The following RPTOR variants were observed in gnomAD, a reference collection of about 807,000 sequenced individuals.
RPTOR encodes the protein regulatory-associated protein of mTOR.
A neutral mutation model predicts 169.9 loss-of-function variants in RPTOR; 21 were observed. The ratio of observed to expected loss-of-function variants is 0.12; its 90% CI spans 0.09 to 0.18. The LOEUF is 0.18. Among genes scored for constraint, RPTOR ranks in the 10% least tolerant of loss-of-function variants. The pLI, the probability that RPTOR is intolerant of heterozygous loss-of-function variation, is 1.00. For synonymous variants in RPTOR, 732 were observed against 753.2 expected (o/e 0.97, Z 0.46); for missense variants, 1,133 against 1,855.9 (o/e 0.61, Z 7.16).
At chr17:80,818,061 G>A (rs2067342062) in intron 7 of RPTOR, among the ~76,000 whole-genome samples, 1 of 152,252 alleles carries the variant, frequency 6.6e-6, no homozygotes, top group Non-Finnish European at 1.5e-5. Context: ...GAGAGTTTGA[G>A]GAGGCGCGGG....
chr17:80,606,038 G>A (rs527291322), intron 1 of RPTOR, among the ~76,000 whole-genome samples: 3 of 152,234 alleles, frequency 2.0e-5, no homozygotes, highest in East Asian at 3.9e-4. Context: ...TTGAGATGGC[G>A]TCTCGCTCTG....
intron 7 of RPTOR, chr17:80,802,195 C>G (rs1024013114): frequency 1.3e-5 from 2 of 152,260 alleles, no homozygotes; most frequent in African/African-American, 4.8e-5. Flanking sequence ...GTACCCAAAC[C>G]CTGGTATTTG....
intron 7 of RPTOR, among the ~76,000 whole-genome samples, chr17:80,814,992 G>A (rs1028348221): frequency 1.3e-5 from 2 of 152,246 alleles, no homozygotes; most frequent in Non-Finnish European, 2.9e-5. Context: ...GGTCTGAGCA[G>A]AGCACACAGG....
chr17:80,962,335 C>G, intron 31 of RPTOR, 126 bp from the exon 32 acceptor site: 2 of 761,056 alleles, frequency 2.6e-6, no homozygotes, highest in Non-Finnish European at 4.4e-6. Context: ...ATCCAGGCAG[C>G]TTTTTCCTTG....
intron 20 of RPTOR, among the ~76,000 whole-genome samples, chr17:80,895,299 C>G (rs1207170290): frequency 6.6e-6 from 1 of 152,196 alleles, no homozygotes; most frequent in African/African-American, 2.4e-5. Context: ...TCTGGCAGCA[C>G]CTTCCCAGAA....
At chr17:80,744,845 T>A (rs796493815) in intron 5 of RPTOR, among the ~76,000 whole-genome samples, 286 of 5,508 alleles carry the variant, frequency 0.052, 28 homozygotes, top group East Asian at 0.083. Context: ...TTACTAGCAC[T>A]GTCCTGGCTA....
chr17:80,847,464 G>C (rs544282912), intron 11 of RPTOR, among the ~76,000 whole-genome samples: 26 of 152,354 alleles, frequency 1.7e-4, no homozygotes, highest in African/African-American at 6.0e-4. Context: ...AAAATCCACT[G>C]GTCAGTGTAG....
At chr17:80,736,857 G>A (rs774163447) in intron 5 of RPTOR, among the ~76,000 whole-genome samples, 1 of 152,160 alleles carries the variant, frequency 6.6e-6, no homozygotes, top group African/African-American at 2.4e-5. Context: ...CGGACTCACC[G>A]TCGTCATGGC....
At chr17:80,555,989 T>C (rs865957720) in intron 1 of RPTOR, among the ~76,000 whole-genome samples, 9 of 149,930 alleles carry the variant, frequency 6.0e-5, no homozygotes, top group Middle Eastern at 3.6e-3. Context: ...TTCCAGCACT[T>C]CGGGAGGCTG....
intron 2 of RPTOR, among the ~76,000 whole-genome samples, chr17:80,634,247 ACT>A (rs1351871176): frequency 4.4e-5 from 3 of 68,740 alleles, no homozygotes; most frequent in Admixed American, 1.4e-4. Flanking sequence ...GTGCGTGCAT[ACT>A]GTATGCGTGC....
At position 80,861,982 on chromosome 17, in the gene RPTOR, C is replaced by T. The variant is rs1330188586; in HGVS notation, c.1509+4082C>T. Among the ~76,000 whole-genome samples the T allele has an allele frequency of 2.0e-5, 3 of 152,176 alleles. No homozygotes were observed. Among genetic ancestry groups the T allele is most frequent in the Non-Finnish European group, 2.9e-5 (2 of 68,026 alleles). ...TCTTGGTCCCGTGGATCTCCCAGGG[C>T]CTGTTGCTCTCGAGTGCCCCAAATG... On this transcript the variant is annotated intron_variant, in intron 13 of 33. Transcript: ENST00000306801. This position sits in a 1 kb window ranked among gnomAD's most constrained non-coding sequence, Gnocchi z 4.5.
chr17:80,698,078 C>T (rs2066052342), intron 3 of RPTOR, among the ~76,000 whole-genome samples: 1 of 134,780 alleles, frequency 7.4e-6, no homozygotes, highest in East Asian at 2.2e-4. Flanking sequence ...CGGGTGGGTG[C>T]GGGGCAAGGT....
rs762895923 is a variant in RPTOR, at chr17:80,730,731, C to A, written c.654+25C>A. The A allele has an allele frequency of 1.2e-6, 1 of 834,702 alleles. No homozygotes were observed. The highest frequency in any genetic ancestry group is 1.8e-6 in the Non-Finnish European group (1 of 559,896). The allele number at this position is 834,702 out of a possible 1,614,324, so 51.7% of individuals were successfully genotyped here. The stretch of plus-strand genomic sequence containing the variant: ...GGTGAGCGCTCTGGTGCTTGGAGAG[C>A]GGTGCTGGGTTTGGTTTTGTTTTCC... On this transcript the variant is annotated intron_variant, in intron 5 of 33. Transcript: ENST00000306801. The surrounding 1 kb of genome is among the most constrained non-coding windows in gnomAD (Gnocchi z 4.2).
intron 17 of RPTOR, among the ~76,000 whole-genome samples, chr17:80,886,467 C>T (rs1321811913): frequency 6.6e-6 from 1 of 152,232 alleles, no homozygotes; most frequent in Non-Finnish European, 1.5e-5. Context: ...AATTCTTTTT[C>T]CCACATCAAC....
chr17:80,552,276 C>T (rs1017828005), intron 1 of RPTOR, among the ~76,000 whole-genome samples: 3 of 152,198 alleles, frequency 2.0e-5, no homozygotes, highest in East Asian at 1.9e-4. Flanking sequence ...GTTCACAAAG[C>T]CTTCATGATT....
chr17:80,790,397 C>T (rs758698970), intron 6 of RPTOR, among the ~76,000 whole-genome samples: 3 of 152,170 alleles, frequency 2.0e-5, no homozygotes, highest in Non-Finnish European at 4.4e-5. Flanking sequence ...GGATGACCAG[C>T]TCAGCCTCCC....
At chr17:80,819,388 A>G (rs1232225663) in intron 7 of RPTOR, among the ~76,000 whole-genome samples, 2 of 152,190 alleles carry the variant, frequency 1.3e-5, no homozygotes, top group African/African-American at 4.8e-5. Flanking sequence ...TCTTTACTTA[A>G]TGTTATAAAG....
intron 1 of RPTOR, among the ~76,000 whole-genome samples, chr17:80,568,273 C>G (rs189897586): frequency 1.3e-3 from 198 of 152,280 alleles, no homozygotes; most frequent in African/African-American, 4.4e-3. Flanking sequence ...GTATATTTTC[C>G]TTCAGTCTGA....
intron 10 of RPTOR, among the ~76,000 whole-genome samples, chr17:80,840,822 G>A (rs1329719279): frequency 2.7e-5 from 3 of 113,076 alleles, no homozygotes; most frequent in East Asian, 2.8e-4. Flanking sequence ...TCACCACGCC[G>A]CAGCTCACAC....
Sources: allele counts gnomAD v4.1 joint callset (sites outside exome capture counted in the v4.1 genomes callset), GRCh38; gene constraint gnomAD v4.1.1; non-coding constraint Gnocchi (gnomAD v3.1); transcripts MANE v1.5; gene names NCBI Gene and HGNC (gene_info 2026-07-23, HGNC 2026-07-21).